Variants in RBM47 observed in about 807,000 individuals in gnomAD.
RBM47 encodes the protein RNA binding motif protein 47, also known as RNA-binding protein 47.
Under a neutral mutation model 47.1 loss-of-function variants are expected in RBM47, and 21 were observed. That is an observed-to-expected ratio of 0.45 (90% CI 0.32 to 0.64). The LOEUF (loss-of-function observed/expected upper bound fraction) is 0.64. Ranked by LOEUF, RBM47 falls within the 30% of genes least tolerant of loss-of-function variation. The pLI is 0.05. For missense variants in RBM47, 708 were observed against 870.9 expected (o/e 0.81, Z 2.35); for synonymous variants, 375 against 361.7 (o/e 1.04, Z -0.42).
At position 40,426,888 on chromosome 4, in the gene RBM47, A is replaced by C. The variant is rs546859266; in HGVS notation, c.1543-745T>G. ...ACTTACCATTCCACTCAATCAGTCT[A>C]TGCCCCAGAGTGAGCTAGAGAAGGC... On this transcript the variant is annotated intron_variant, in intron 6 of 6. Coordinates refer to ENST00000295971, the MANE Select transcript of RBM47 (RefSeq NM_001098634.2). 5.3e-5 allele frequency: 8 copies of C among 152,282 alleles called. No individual in the cohort carries two copies. The East Asian group carries it at 1.4e-3, about 26-fold the overall frequency. 9.4% of individuals were successfully genotyped at this position (152,282 alleles called of 1,614,324 possible). A position where few individuals can be genotyped will look rare whatever the true frequency, so the allele number is the denominator to read the frequency against.
chr4:40,549,838 G>C (rs1323569559), intron 1 of RBM47, among the ~76,000 whole-genome samples: 1 of 152,064 alleles, frequency 6.6e-6, no homozygotes, highest in Non-Finnish European at 1.5e-5. Context: ...GTGCCACCAC[G>C]CCTGGCTAAT....
intron 2 of RBM47, among the ~76,000 whole-genome samples, chr4:40,499,601 G>T (rs1017974018): frequency 6.6e-6 from 1 of 152,090 alleles, no homozygotes; most frequent in African/African-American, 2.4e-5. Flanking sequence ...GTAGAGACGG[G>T]GTTTCACCGT....
At chr4:40,621,747 A>C (rs1052572075) in intron 1 of RBM47, among the ~76,000 whole-genome samples, 6 of 152,240 alleles carry the variant, frequency 3.9e-5, no homozygotes, top group African/African-American at 1.4e-4. Context: ...GTTCAAACAG[A>C]GGGCTACACA....
chr4:40,612,005 A>G (rs62301880), intron 1 of RBM47, among the ~76,000 whole-genome samples: 16,554 of 152,204 alleles, frequency 0.11, 972 homozygotes, highest in South Asian at 0.12. Flanking sequence ...TTAAGATGGA[A>G]ATGGAATAGA....
chr4:40,591,601 G>A (rs927964687), intron 1 of RBM47, among the ~76,000 whole-genome samples: 1 of 152,160 alleles, frequency 6.6e-6, no homozygotes, highest in African/African-American at 2.4e-5. Context: ...GGCTGGGGCA[G>A]GAGAATTGCT....
At chr4:40,468,090 A>G (rs1010559870) in intron 2 of RBM47, among the ~76,000 whole-genome samples, 29 of 152,206 alleles carry the variant, frequency 1.9e-4, no homozygotes, top group African/African-American at 6.5e-4. Context: ...GTTCAAGACC[A>G]GCCTGGCCAA....
intron 2 of RBM47, among the ~76,000 whole-genome samples, chr4:40,524,080 G>A (rs1204296051): frequency 6.6e-6 from 1 of 152,154 alleles, no homozygotes; most frequent in Non-Finnish European, 1.5e-5. Flanking sequence ...TTATCTGTCT[G>A]TGAAGATGTC....
In RBM47 at chr4:40,587,964, A is replaced by G. The variant is rs558677331; in HGVS notation, c.-240+41432T>C. On this transcript the variant is annotated intron_variant, in intron 1 of 6. Transcript: ENST00000295971. ...AGGCTGCCCTCGGCTAGACAACACC[A>G]TGGGTAATATTGCAGCCTACATTTC... Among the ~76,000 whole-genome samples, 3 of 152,292 alleles carry G rather than the reference A, an allele frequency of 2.0e-5. 1 individual carries two copies. The South Asian group carries it at 6.2e-4, about 32-fold the overall frequency.
intron 1 of RBM47, among the ~76,000 whole-genome samples, chr4:40,587,059 A>T (rs1733658543): frequency 6.6e-6 from 1 of 152,102 alleles, no homozygotes; most frequent in African/African-American, 2.4e-5. Context: ...TAAACACTCA[A>T]ATGTGTGATA....
chr4:40,593,911 G>A (rs1169598575), intron 1 of RBM47, among the ~76,000 whole-genome samples: 9 of 149,766 alleles, frequency 6.0e-5, no homozygotes, highest in African/African-American at 1.7e-4. Context: ...TTAGCCGGAC[G>A]TGGTGGTGGG....
rs769786377 is a variant in RBM47 at position 40,438,277 on chromosome 4, G to A, written c.617C>T (p.Ala206Val). 6.2e-6 allele frequency: 10 copies of A among 1,603,882 alleles called. No homozygotes were observed. The highest frequency in any genetic ancestry group is 2.2e-5 in the South Asian group (2 of 91,056). The change falls in exon 4 of 7, where the codon GCG becomes GTG. Residue 206 changes from alanine (A) to valine (V), a missense_variant. Transcript: ENST00000295971. ...FAFVEYESHR[A>V]AAMARRKLMP... ...GAGCTTGCGGCGAGCCATGGCAGCC[G>A]CGCGGTGGCTCTCGTACTCCACGAA... is the stretch of plus-strand genomic sequence containing the variant.
rs150331418 is a variant in RBM47, at chr4:40,545,666, AAAAT to A, written c.-239-1164_-239-1161del. 3.5e-3 allele frequency among the ~76,000 whole-genome samples: 473 copies of A among 133,638 alleles called. 2 individuals carry two copies. Among genetic ancestry groups the A allele is most frequent in the African/African-American group, 0.01 (376 of 36,212 alleles). 87.7% of individuals were successfully genotyped at this position (133,638 alleles called of 152,430 possible). A position where few individuals can be genotyped will look rare whatever the true frequency, so the allele number is the denominator to read the frequency against. On this transcript the variant is annotated intron_variant, in intron 1 of 6. Transcript: ENST00000295971. ...GCAACAAGAGCAAGGCTCCTTCTCAAAAATAAATAAATAAATAAATAAATAAATA... is the reference window on the plus strand; with the variant it reads ...GCAACAAGAGCAAGGCTCCTTCTCAAAAATAAATAAATAAATAAATAAATA...
At position 40,437,858 on chromosome 4, in the gene RBM47, C is replaced by A; in HGVS notation, c.1036G>T (p.Val346Leu). The change falls in exon 4 of 7, where the codon GTG (valine) becomes TTG (leucine). Residue 346 changes from valine to leucine, a missense_variant. Transcript: ENST00000295971. ...AGTGTGTAGGGGTCGCAGGAGTACA[C>A]GTAGCTGGGCTGCTGCGCTGCCTCA... ...AAEAAQQPSYVYSCDPYTLAY... is the reference protein window; with the variant it reads ...AAEAAQQPSYLYSCDPYTLAY... The A allele has an allele frequency of 6.2e-7, 1 of 1,614,022 alleles. No individual in the cohort carries two copies. The highest frequency in any genetic ancestry group is 8.5e-7 in the Non-Finnish European group (1 of 1,180,010).
intron 2 of RBM47, among the ~76,000 whole-genome samples, chr4:40,496,362 AC>A (rs1253281785): frequency 4.9e-5 from 5 of 101,214 alleles, no homozygotes; most frequent in African/African-American, 2.4e-4. Flanking sequence ...ACACACACAC[AC>A]AAAGAGAGAA....
intron 2 of RBM47, among the ~76,000 whole-genome samples, chr4:40,507,230 T>A (rs990312576): frequency 1.3e-5 from 2 of 152,084 alleles, no homozygotes; most frequent in African/African-American, 4.8e-5. Flanking sequence ...GTGCTGGGAT[T>A]ACAGGCATAA....
chr4:40,583,394 A>G lies in RBM47; in HGVS notation c.-239-38888T>C, dbSNP rs1202331937. On this transcript the variant is annotated intron_variant, in intron 1 of 6. Coordinates refer to ENST00000295971, the MANE Select transcript of RBM47 (RefSeq NM_001098634.2). ...ACGCCACTACTCCATCTCAGAAAAA[A>G]AAAAAAAAAAAAAAAAAAAAGGGAA... Among the ~76,000 whole-genome samples the G allele has an allele frequency of 5.8e-3, 566 of 97,426 alleles. 12 individuals are homozygous for G. Among genetic ancestry groups the G allele is most frequent in the African/African-American group, 0.024 (473 of 19,518 alleles). 63.9% of individuals were successfully genotyped at this position (97,426 alleles called of 152,430 possible).
At chr4:40,523,942 A>G (rs550628705) in intron 2 of RBM47, among the ~76,000 whole-genome samples, 3 of 152,280 alleles carry the variant, frequency 2.0e-5, no homozygotes, top group Admixed American at 1.3e-4. Flanking sequence ...AGGGTGCCCA[A>G]TTAAACTTGA....
In RBM47 at chr4:40,425,746, G is replaced by T; in HGVS notation, c.*158C>A. On this transcript the variant is annotated 3_prime_UTR_variant, in exon 7 of 7. Coordinates refer to ENST00000295971, the MANE Select transcript of RBM47 (RefSeq NM_001098634.2). ...AGTTGAAAATAGTCTTAAAAAACTA[G>T]TGAAAACTTCATGTATATAAAATAA... 1 of 1,118,940 alleles carries T rather than the reference G, an allele frequency of 8.9e-7. No individual in the cohort carries two copies. 69.3% of individuals were successfully genotyped at this position (1,118,940 alleles called of 1,614,324 possible).
At chr4:40,524,970 A>G (rs1239374291) in intron 2 of RBM47, among the ~76,000 whole-genome samples, 1 of 152,186 alleles carries the variant, frequency 6.6e-6, no homozygotes, top group Non-Finnish European at 1.5e-5. Context: ...ATATTTAATG[A>G]GCTCAGGCTT....
Sources: gnomAD v4.1 joint callset for allele counts (sites outside exome capture counted in the v4.1 genomes callset) on GRCh38, gnomAD v4.1.1 for gene constraint, MANE v1.5 for transcripts, NCBI Gene and HGNC (gene_info 2026-07-23, HGNC 2026-07-21) for gene names.